XPO1: variants seen among roughly 807,000 people sequenced by gnomAD.
XPO1 encodes exportin 1.
In XPO1, 5 loss-of-function variants were observed where a neutral mutation model predicts 133.3. The ratio of observed to expected loss-of-function variants is 0.04; its 90% CI spans 0.02 to 0.08. The LOEUF (loss-of-function observed/expected upper bound fraction) is 0.08, where lower values mean the gene tolerates loss of function less well. Among genes scored for constraint, XPO1 ranks in the 10% least tolerant of loss-of-function variants. The pLI, the probability that XPO1 is intolerant of heterozygous loss-of-function variation, is 1.00. For missense variants in XPO1, 506 were observed against 1,267.5 expected, an observed-to-expected ratio of 0.40 and a Z score of 9.12; for synonymous variants, 419 against 408.2, an observed-to-expected ratio of 1.03 and a Z score of -0.32.
Position 61,498,683 on chromosome 2 carries a change from A to G in XPO1, c.749T>C (p.Leu250Ser). 6.2e-7 allele frequency: 1 copy of G among 1,613,756 alleles called. No individual in the cohort carries two copies. Among genetic ancestry groups the G allele is most frequent in the Non-Finnish European group, 8.5e-7 (1 of 1,179,904 alleles). Residue 250 changes from leucine (L) to serine (S), a missense_variant, in exon 9 of 25, where the codon TTG (leucine) becomes TCG (serine). Around this residue, in one of 6 missense-constraint regions of XPO1, gnomAD observed 134 missense variants for 261.6 expected, o/e 0.51. Coordinates refer to ENST00000401558, the MANE Select transcript of XPO1 (RefSeq NM_003400.4). ...YIFETKLISTLIYKFLNVPMF... is the reference protein window; with the variant it reads ...YIFETKLISTSIYKFLNVPMF... Reference sequence around the variant, plus strand: ...ATGTATTCACTGTACCTTATAAATCAATGTGCTGATTAATTTGGTCTCAAA... The same window carrying G: ...ATGTATTCACTGTACCTTATAAATCGATGTGCTGATTAATTTGGTCTCAAA...
chr2:61,520,392 A>G (rs1056714249), intron 4 of XPO1, among the ~76,000 whole-genome samples: 1 of 152,102 alleles, frequency 6.6e-6, no homozygotes, highest in Non-Finnish European at 1.5e-5. Flanking sequence ...CATGCTTACA[A>G]TCCCAGCACT....
chr2:61,520,664 A>G (rs1037236044), intron 4 of XPO1, among the ~76,000 whole-genome samples: 1 of 152,176 alleles, frequency 6.6e-6, no homozygotes, highest in Non-Finnish European at 1.5e-5. Flanking sequence ...GAAAGAAAGA[A>G]ACAAAAATTT....
chr2:61,484,434 T>G (rs1390746470), intron 20 of XPO1: 1 of 225,414 alleles, frequency 4.4e-6, no homozygotes, highest in Admixed American at 5.6e-5. Flanking sequence ...CAAAAAAATT[T>G]AAGTTACCGT....
In XPO1 at chr2:61,500,340, G is replaced by C. The variant is rs750577010; in HGVS notation, c.409-446C>G. Among the ~76,000 whole-genome samples, 10 of 151,972 alleles carry C rather than the reference G, an allele frequency of 6.6e-5. No individual in the cohort carries two copies. In the South Asian group the frequency reaches 1.9e-3, roughly 28 times the overall value. On this transcript the variant is annotated intron_variant, in intron 6 of 24. Coordinates refer to ENST00000401558, the MANE Select transcript of XPO1 (RefSeq NM_003400.4). Reference sequence around the variant, plus strand: ...TCGTGCCTGTAATCCCAGCACTTTGGGAGGCCGAGGTAGGAGGATCACGAG... The same window carrying C: ...TCGTGCCTGTAATCCCAGCACTTTGCGAGGCCGAGGTAGGAGGATCACGAG...
At chr2:61,532,317 C>T (rs1243862821) in intron 2 of XPO1, among the ~76,000 whole-genome samples, 1 of 151,748 alleles carries the variant, frequency 6.6e-6, no homozygotes, top group African/African-American at 2.4e-5. Context: ...TTAGTAGAGA[C>T]GGGGTTTCAC....
chr2:61,491,407 C>T (rs1221531214), intron 16 of XPO1, among the ~76,000 whole-genome samples: 10 of 149,398 alleles, frequency 6.7e-5, no homozygotes, highest in East Asian at 6.0e-4. Context: ...GCCGAGATTG[C>T]GCCACTGCAC....
intron 4 of XPO1, among the ~76,000 whole-genome samples, chr2:61,517,808 G>A (rs112624294): frequency 0.011 from 1,654 of 152,184 alleles, 31 homozygotes; most frequent in African/African-American, 0.038. Flanking sequence ...GGGCATGGTG[G>A]TGCGGACCTA....
chr2:61,536,692 A>T (rs920222791), intron 1 of XPO1: 2 of 152,192 alleles, frequency 1.3e-5, no homozygotes, highest in East Asian at 3.9e-4. Context: ...ACTATAGCAC[A>T]CAGGAGCACG....
chr2:61,501,672 G>A (rs1430533008), intron 6 of XPO1, among the ~76,000 whole-genome samples: 2 of 145,944 alleles, frequency 1.4e-5, no homozygotes, highest in African/African-American at 2.6e-5. Flanking sequence ...GCAGTGAGCC[G>A]AGATCATGCC....
chr2:61,483,093 TA>T lies in XPO1; in HGVS notation c.2678-3del. ...AGAGTGTAAAAAGTATCTGTAAGCC[TA>T]AAAGACATAGAATACCAATGGAAAG... On this transcript the variant is annotated splice_polypyrimidine_tract_variant and splice_region_variant and intron_variant, in intron 21 of 24. Transcript: ENST00000401558. The T allele has an allele frequency of 6.2e-7, 1 of 1,608,292 alleles. No homozygotes were observed. Among genetic ancestry groups the T allele is most frequent in the Non-Finnish European group, 8.5e-7 (1 of 1,177,560 alleles).
At chr2:61,527,946 A>G in intron 2 of XPO1, among the ~76,000 whole-genome samples, 1 of 149,866 alleles carries the variant, frequency 6.7e-6, no homozygotes, top group Non-Finnish European at 1.5e-5. Flanking sequence ...TTTTTTTTAA[A>G]GTTGGAGTCT....
intron 4 of XPO1, among the ~76,000 whole-genome samples, chr2:61,516,806 AAAT>A (rs1190328203): frequency 6.6e-6 from 1 of 152,230 alleles, no homozygotes; most frequent in Non-Finnish European, 1.5e-5. Context: ...AAAAGTACAG[AAAT>A]ACCTTTATAT....
At chr2:61,487,158 G>T (rs1422999744) in intron 19 of XPO1, among the ~76,000 whole-genome samples, 1 of 151,884 alleles carries the variant, frequency 6.6e-6, no homozygotes, top group East Asian at 1.9e-4. Context: ...GGGATTACAG[G>T]CATGAGCCAC....
chr2:61,486,922 A>G (rs1696723311), intron 19 of XPO1, among the ~76,000 whole-genome samples: 1 of 151,926 alleles, frequency 6.6e-6, no homozygotes, highest in Admixed American at 6.6e-5. Flanking sequence ...GCATGCTACA[A>G]TGCCCAGTAA....
intron 2 of XPO1, among the ~76,000 whole-genome samples, chr2:61,527,803 C>T (rs761416755): frequency 6.6e-6 from 1 of 152,076 alleles, no homozygotes; most frequent in Non-Finnish European, 1.5e-5. Flanking sequence ...CCCAGAAATA[C>T]TAATCTACGT....
chr2:61,488,762 T>C lies in XPO1; in HGVS notation c.2032A>G (p.Ile678Val). 1 of 1,612,928 alleles carries C rather than the reference T, an allele frequency of 6.2e-7. No individual in the cohort carries two copies. The highest frequency in any genetic ancestry group is 8.5e-7 in the Non-Finnish European group (1 of 1,179,700). Residue 678 changes from isoleucine to valine, a missense_variant, in exon 18 of 25, where the codon ATA (isoleucine) becomes GTA (valine). This residue lies in a region of XPO1 where 60 missense variants were observed against 211.0 expected (regional missense o/e 0.28). Coordinates refer to ENST00000401558, the MANE Select transcript of XPO1 (RefSeq NM_003400.4). ...TTGACTGTTTCAGGATCTTTCAGTA[T>C]ATCCACATTCTTGGAGGAAAAAAAG... ...IIQQATKNVD[I>V]LKDPETVKQL...
chr2:61,485,205 CA>C (rs1209872569), intron 20 of XPO1: 1 of 152,210 alleles, frequency 6.6e-6, no homozygotes, highest in Non-Finnish European at 1.5e-5. Context: ...ACACATTTTT[CA>C]GTTTCTTATA....
At chr2:61,502,555 C>A in intron 4 of XPO1, 1 of 355,396 alleles carries the variant, frequency 2.8e-6, no homozygotes, top group Admixed American at 4.4e-5. Context: ...GAATTCGAGA[C>A]CAGCATGACC....
At chr2:61,489,935 G>A (rs1367348241) in intron 17 of XPO1, among the ~76,000 whole-genome samples, 1 of 149,188 alleles carries the variant, frequency 6.7e-6, no homozygotes, top group Non-Finnish European at 1.5e-5. Context: ...TCTGTCACCA[G>A]GCTGGAGTGC....
Sources: allele counts gnomAD v4.1 joint callset (sites outside exome capture counted in the v4.1 genomes callset), GRCh38; gene constraint gnomAD v4.1.1; regional missense constraint gnomAD v4.1.1; transcripts MANE v1.5; gene names NCBI Gene and HGNC (gene_info 2026-07-23, HGNC 2026-07-21).